The following ZNF536 variants were observed in gnomAD, a reference collection of about 807,000 sequenced individuals.
ZNF536 encodes the protein zinc finger protein 536.
A neutral mutation model predicts 84.5 loss-of-function variants in ZNF536; 13 were observed. That is an observed-to-expected ratio of 0.15 (90% CI 0.10 to 0.24). ZNF536 has a LOEUF of 0.24. Ranked by LOEUF, ZNF536 falls within the 10% of genes least tolerant of loss-of-function variation. The pLI is 1.00. For synonymous variants in ZNF536, 811 were observed against 742.5 expected (o/e 1.09, Z -1.50); for missense variants, 1,536 against 1,747.5 (o/e 0.88, Z 2.16).
In ZNF536 at chr19:30,548,350, G is replaced by A. The variant is rs143550497; in HGVS notation, c.2731G>A (p.Gly911Ser). The A allele has an allele frequency of 1.3e-3, 2,053 of 1,614,000 alleles. 2 individuals carry two copies. Among genetic ancestry groups the A allele is most frequent in the Non-Finnish European group, 1.4e-3 (1,675 of 1,179,994 alleles). ...GRAYQSIVSN[G>S]VNFQGSLQAF... ...AGCTTATCAAAGCATTGTGAGCAACGGTGTGAATTTCCAAGGGTCCTTGCA... is the reference window on the plus strand; with the variant it reads ...AGCTTATCAAAGCATTGTGAGCAACAGTGTGAATTTCCAAGGGTCCTTGCA... The change falls in exon 4 of 5, where the codon GGT becomes AGT. Residue 911 changes from glycine to serine, a missense_variant. By Grantham distance (56) the Gly-to-Ser change is moderately conservative. This residue lies in a region of ZNF536 where 624 missense variants were observed against 603.1 expected (regional missense o/e 1.03). Transcript: ENST00000355537.
rs2146209774 is a variant in ZNF536, at chr19:30,548,619, G to T, written c.3000G>T (p.Trp1000Cys). ...TAACTGTGCAGGACAGCATTGCATGGCACGGCTGCTTGTTTTGTGCTTTCA... is the reference window on the plus strand; with the variant it reads ...TAACTGTGCAGGACAGCATTGCATGTCACGGCTGCTTGTTTTGTGCTTTCA... ...SSVTVQDSIAWHGCLFCAFTT... is the reference protein window; with the variant it reads ...SSVTVQDSIACHGCLFCAFTT... The change falls in exon 4 of 5, where the codon TGG (tryptophan) becomes TGT (cysteine). Residue 1000 changes from tryptophan (W) to cysteine (C), a missense_variant. By Grantham distance (215) the Trp-to-Cys change is radical. Around this residue, in one of 8 missense-constraint regions of ZNF536, gnomAD observed 624 missense variants for 603.1 expected, o/e 1.03. Transcript: ENST00000355537. 1 of 1,614,158 alleles carries T rather than the reference G, an allele frequency of 6.2e-7. No individual in the cohort carries two copies. Among genetic ancestry groups the T allele is most frequent in the East Asian group, 2.2e-5 (1 of 44,864 alleles).
At chr19:30,703,720 C>T (rs1461317027) in intron 1 of ZNF536, among the ~76,000 whole-genome samples, 1 of 152,206 alleles carries the variant, frequency 6.6e-6, no homozygotes, top group African/African-American at 2.4e-5. Context: ...CTTAGATCAA[C>T]AGCAGGATGA....
intron 1 of ZNF536, among the ~76,000 whole-genome samples, chr19:30,393,494 T>C (rs1419192194): frequency 6.6e-6 from 1 of 152,210 alleles, no homozygotes; most frequent in Admixed American, 6.5e-5. Context: ...GGGCAGATGT[T>C]CGTCAGAGAA....
At chr19:30,687,671 G>C (rs998280084) in intron 1 of ZNF536, among the ~76,000 whole-genome samples, 1 of 152,114 alleles carries the variant, frequency 6.6e-6, no homozygotes. Flanking sequence ...GAAACAGGGA[G>C]ACTTCATAAA....
intron 1 of ZNF536, among the ~76,000 whole-genome samples, chr19:30,693,801 A>G (rs564377534): frequency 6.6e-6 from 1 of 152,348 alleles, no homozygotes; most frequent in South Asian, 2.1e-4. Flanking sequence ...CAGTGTGCCC[A>G]TCTATATGGA....
At chr19:30,344,440 C>CAAAAA (rs10628847) in intron 2 of ZNF536, among the ~76,000 whole-genome samples, 9 of 69,176 alleles carry the variant, frequency 1.3e-4, no homozygotes, top group East Asian at 5.2e-4. Flanking sequence ...AACTCCATCT[C>CAAAAA]AAAAAAAAAA....
chr19:30,356,228 C>T (rs1482311869), intron 3 of ZNF536, among the ~76,000 whole-genome samples: 2 of 152,330 alleles, frequency 1.3e-5, no homozygotes, highest in South Asian at 2.1e-4. Flanking sequence ...ACCTCATGTT[C>T]AGGTTGGGAG....
chr19:30,643,225 G>A (rs994170622), intron 1 of ZNF536, among the ~76,000 whole-genome samples: 1 of 152,094 alleles, frequency 6.6e-6, no homozygotes, highest in Admixed American at 6.6e-5. Context: ...CCCAGCCTTG[G>A]CTGCTGAAAA....
chr19:30,307,819 T>C (rs1237741396), intron 2 of ZNF536, among the ~76,000 whole-genome samples: 1 of 152,234 alleles, frequency 6.6e-6, no homozygotes, highest in Non-Finnish European at 1.5e-5. Flanking sequence ...TTCTTCTCAC[T>C]GTGTTGAAGC....
At chr19:30,410,850 A>G (rs2050465771) in intron 1 of ZNF536, among the ~76,000 whole-genome samples, 2 of 152,222 alleles carry the variant, frequency 1.3e-5, no homozygotes, top group Non-Finnish European at 2.9e-5. Context: ...ATAATTTTTC[A>G]TGGATTGGCA....
chr19:30,422,185 G>A lies in ZNF536; in HGVS notation c.-2-21376G>A, dbSNP rs111887281. ...TTATTTTATTTATTTTCTGAAACACGTGAGGTGACCCTTAGCTACTGGAGA... is the reference window on the plus strand; with the variant it reads ...TTATTTTATTTATTTTCTGAAACACATGAGGTGACCCTTAGCTACTGGAGA... On this transcript the variant is annotated intron_variant, in intron 1 of 4. Transcript: ENST00000355537. Among the ~76,000 whole-genome samples the A allele has an allele frequency of 7.2e-3, 1,103 of 152,142 alleles. 16 individuals carry two copies. The highest frequency in any genetic ancestry group is 0.025 in the African/African-American group (1,053 of 41,496).
chr19:30,434,661 A>G (rs1000378335), intron 1 of ZNF536, among the ~76,000 whole-genome samples: 1 of 152,196 alleles, frequency 6.6e-6, no homozygotes, highest in African/African-American at 2.4e-5. Flanking sequence ...GGCAGGTGGT[A>G]TTTTGATGGA....
intron 1 of ZNF536, among the ~76,000 whole-genome samples, chr19:30,659,166 G>T (rs2050025969): frequency 6.6e-6 from 1 of 152,204 alleles, no homozygotes; most frequent in Non-Finnish European, 1.5e-5. Flanking sequence ...AATTTATAAA[G>T]AAAAGAGGTT....
In ZNF536 at chr19:30,348,018, T is replaced by A. The variant is rs547761596; in HGVS notation, c.-119-4350T>A. 3.5e-4 allele frequency among the ~76,000 whole-genome samples: 53 copies of A among 152,398 alleles called. 2 individuals are homozygous for A. In the South Asian group the frequency reaches 0.011, roughly 31 times the overall value. On this transcript the variant is annotated intron_variant, in intron 2 of 5. Coordinates refer to the ZNF536 transcript ENST00000585628. ...GTACTTGTTGATGACAAGATTCCAA[T>A]GATGTTCTTTCATCCATTCATGAAG...
In ZNF536 at chr19:30,443,651, A is replaced by G. The variant is rs2052170865; in HGVS notation, c.89A>G (p.Tyr30Cys). The part of the protein sequence containing the change: ...HLSGPVLNGQ[Y>C]AMSQKLHQIT... ...AGTGGCCCCGTCCTCAACGGCCAGT[A>G]TGCCATGAGTCAGAAGCTGCACCAG... is the stretch of plus-strand genomic sequence containing the variant. The change falls in exon 2 of 5, where the codon TAT becomes TGT. Residue 30 changes from tyrosine to cysteine, a missense_variant. Around this residue, in one of 8 missense-constraint regions of ZNF536, gnomAD observed 161 missense variants for 178.5 expected, o/e 0.90. Transcript: ENST00000355537. 2 of 1,613,416 alleles carry G rather than the reference A, an allele frequency of 1.2e-6. No individual in the cohort carries two copies. The highest frequency in any genetic ancestry group is 1.7e-6 in the Non-Finnish European group (2 of 1,179,854).
intron 1 of ZNF536, among the ~76,000 whole-genome samples, chr19:30,281,404 A>G (rs2045438784): frequency 1.3e-5 from 2 of 152,144 alleles, no homozygotes; most frequent in African/African-American, 4.8e-5. Flanking sequence ...TGTCTCCACC[A>G]GGGCCCTGCC....
intron 1 of ZNF536, among the ~76,000 whole-genome samples, chr19:30,400,127 A>G (rs2147488087): frequency 6.7e-6 from 1 of 149,886 alleles, no homozygotes; most frequent in Non-Finnish European, 1.5e-5. Flanking sequence ...CTATTCTCCT[A>G]TTGTAGGACT....
intron 1 of ZNF536, among the ~76,000 whole-genome samples, chr19:30,423,576 A>C (rs1293208018): frequency 6.6e-6 from 1 of 152,238 alleles, no homozygotes; most frequent in African/African-American, 2.4e-5. Flanking sequence ...TGTGGAGTCC[A>C]AGAATGCTGG....
At chr19:30,433,567 G>A (rs938962597) in intron 1 of ZNF536, among the ~76,000 whole-genome samples, 2 of 152,128 alleles carry the variant, frequency 1.3e-5, no homozygotes, top group African/African-American at 2.4e-5. Flanking sequence ...GCGCGATCTC[G>A]GTTCACCACA....
Sources: allele counts gnomAD v4.1 joint callset (sites outside exome capture counted in the v4.1 genomes callset), GRCh38; gene constraint gnomAD v4.1.1; regional missense constraint gnomAD v4.1.1; transcripts MANE v1.5; gene names NCBI Gene and HGNC (gene_info 2026-07-23, HGNC 2026-07-21).